Variants in ZNF608 observed in about 807,000 individuals in gnomAD.
The protein encoded by ZNF608 is renal carcinoma antigen NY-REN-36.
A neutral mutation model predicts 109.0 loss-of-function variants in ZNF608; 12 were observed. The ratio of observed to expected loss-of-function variants is 0.11; its 90% CI spans 0.07 to 0.18. ZNF608 has a LOEUF of 0.18. ZNF608 is among the 10% of genes least tolerant of loss of function. The pLI, the probability that ZNF608 is intolerant of heterozygous loss-of-function variation, is 1.00. For missense variants in ZNF608, 1,707 were observed against 1,879.3 expected, an observed-to-expected ratio of 0.91 and a Z score of 1.70; for synonymous variants, 732 against 717.4, an observed-to-expected ratio of 1.02 and a Z score of -0.33.
intron 2 of ZNF608, among the ~76,000 whole-genome samples, chr5:124,738,457 T>C (rs1237471314): frequency 6.6e-6 from 1 of 152,218 alleles, no homozygotes; most frequent in East Asian, 1.9e-4. Flanking sequence ...CAAAACTATG[T>C]TGTGCTGCAG....
chr5:124,714,883 A>G (rs1187882520), intron 2 of ZNF608, among the ~76,000 whole-genome samples: 1 of 152,234 alleles, frequency 6.6e-6, no homozygotes, highest in Non-Finnish European at 1.5e-5. Context: ...GGATGAATTT[A>G]TAATTGAATA....
In ZNF608 at chr5:124,678,454, C is replaced by T. The variant is rs137958070; in HGVS notation, c.1162+22560G>A. 3.4e-3 allele frequency among the ~76,000 whole-genome samples: 522 copies of T among 152,288 alleles called. 3 individuals are homozygous for T. Among genetic ancestry groups the T allele is most frequent in the Middle Eastern group, 0.01 (3 of 294 alleles). ...TTTTTCTACATTCCCCTTCTAAGTG[C>T]CACTGATAGGTTCCTGTAAATGTAG... On this transcript the variant is annotated intron_variant, in intron 3 of 9. Transcript: ENST00000513986.
intron 2 of ZNF608, among the ~76,000 whole-genome samples, chr5:124,728,832 C>G (rs544320310): frequency 6.6e-6 from 1 of 152,136 alleles, no homozygotes; most frequent in African/African-American, 2.4e-5. Flanking sequence ...TTAAACAATG[C>G]GGACTTTATC....
chr5:124,722,486 A>C (rs73298938), intron 2 of ZNF608, among the ~76,000 whole-genome samples: 5,058 of 152,062 alleles, frequency 0.033, 228 homozygotes, highest in African/African-American at 0.1. Flanking sequence ...CATTTGACCA[A>C]GTACACTAAT....
intron 3 of ZNF608, among the ~76,000 whole-genome samples, chr5:124,692,834 G>A (rs537640749): frequency 6.6e-6 from 1 of 152,092 alleles, no homozygotes; most frequent in Non-Finnish European, 1.5e-5. Flanking sequence ...TTTTTCTGAG[G>A]ATTAAAGGAA....
At chr5:124,668,455 T>A (rs116825562) in intron 3 of ZNF608, among the ~76,000 whole-genome samples, 2,858 of 151,598 alleles carry the variant, frequency 0.019, 90 homozygotes, top group African/African-American at 0.066. Context: ...ACTTATTCCA[T>A]ATTTGTCCTC....
In ZNF608 at chr5:124,646,985, G is replaced by A. The variant is rs1223118967; in HGVS notation, c.3399C>T (p.Leu1133=). Residue 1133 remains leucine, a synonymous_variant, in exon 5 of 10, where the codon CTC becomes CTT. Transcript: ENST00000513986. Reference sequence around the variant, plus strand: ...CCTCCTTGCCCAGCTCTTTCAAGGGGAGCTCACTTTTCCTTTCACAGTCTC... The same window carrying A: ...CCTCCTTGCCCAGCTCTTTCAAGGGAAGCTCACTTTTCCTTTCACAGTCTC... ...GRGDCERKSE[L]PLKELGKEET... is the part of the protein sequence containing the mutation. 6.2e-7 allele frequency: 1 copy of A among 1,614,072 alleles called. No homozygotes were observed. Among genetic ancestry groups the A allele is most frequent in the Non-Finnish European group, 8.5e-7 (1 of 1,180,014 alleles).
At chr5:124,644,096 A>G (rs193152607) in intron 6 of ZNF608, 148 bp downstream of exon 6, 94 of 728,206 alleles carry the variant, frequency 1.3e-4, no homozygotes, top group Admixed American at 1.9e-4. Flanking sequence ...CTTATATTAA[A>G]TCAGTTTTAT....
intron 3 of ZNF608, among the ~76,000 whole-genome samples, chr5:124,671,912 A>G (rs1226427507): frequency 6.6e-6 from 1 of 152,232 alleles, no homozygotes; most frequent in African/African-American, 2.4e-5. Flanking sequence ...TGCTGGGATT[A>G]CAGGCATGAG....
intron 2 of ZNF608, among the ~76,000 whole-genome samples, chr5:124,702,316 C>T (rs6884021): frequency 0.011 from 1,737 of 152,254 alleles, 45 homozygotes; most frequent in African/African-American, 0.039. Context: ...CACATAGAAA[C>T]GGCCTACATT....
intron 3 of ZNF608, among the ~76,000 whole-genome samples, chr5:124,699,579 G>A (rs532147974): frequency 6.6e-6 from 1 of 152,110 alleles, no homozygotes; most frequent in Non-Finnish European, 1.5e-5. Flanking sequence ...TCTTTCTTGT[G>A]TATTGTCTTT....
At chr5:124,641,152 T>C in intron 8 of ZNF608, 100 bp downstream of exon 8, 1 of 1,486,102 alleles carries the variant, frequency 6.7e-7, no homozygotes, top group Non-Finnish European at 9.4e-7. Context: ...AGAGCTAATG[T>C]GAACTCAAAG....
intron 2 of ZNF608, among the ~76,000 whole-genome samples, chr5:124,704,091 C>G (rs1433812958): frequency 6.6e-6 from 1 of 152,120 alleles, no homozygotes; most frequent in African/African-American, 2.4e-5. Context: ...ATAGCAAGAA[C>G]TTTTGAGTCC....
chr5:124,642,359 C>G (rs146517541), intron 7 of ZNF608, among the ~76,000 whole-genome samples: 97 of 152,310 alleles, frequency 6.4e-4, no homozygotes, highest in Non-Finnish European at 1.2e-3. Context: ...AGACACAGCT[C>G]TCACTCCTAA....
At chr5:124,734,015 G>A (rs1277410108) in intron 2 of ZNF608, among the ~76,000 whole-genome samples, 1 of 151,940 alleles carries the variant, frequency 6.6e-6, no homozygotes, top group Non-Finnish European at 1.5e-5. Context: ...ATATGATAAA[G>A]ATGTTTAAAA....
intron 3 of ZNF608, among the ~76,000 whole-genome samples, chr5:124,686,920 T>C (rs1038996415): frequency 1.3e-5 from 2 of 152,196 alleles, no homozygotes; most frequent in Admixed American, 1.3e-4. Context: ...GTGGGCAATT[T>C]TTTTTCCTTG....
At chr5:124,640,387 G>T (rs1270145481) in intron 8 of ZNF608, among the ~76,000 whole-genome samples, 2 of 152,106 alleles carry the variant, frequency 1.3e-5, no homozygotes, top group Non-Finnish European at 2.9e-5. Flanking sequence ...GAAAGCACAC[G>T]AGGGCTCCCC....
Position 124,648,837 on chromosome 5 carries a change from T to C in ZNF608, c.1547A>G (p.Asp516Gly). 1 of 1,614,120 alleles carries C rather than the reference T, an allele frequency of 6.2e-7. No homozygotes were observed. Among genetic ancestry groups the C allele is most frequent in the Non-Finnish European group, 8.5e-7 (1 of 1,179,984 alleles). Residue 516 changes from aspartate (D) to glycine (G), a missense_variant, in exon 5 of 10, where the codon GAC becomes GGC. Coordinates refer to ENST00000513986, the MANE Select transcript of ZNF608 (RefSeq NM_020747.3). ...GCGGACACGCTTTCCAGGCTTATTGTCCTCAGAGCTGGAGTTCAGGTCCAG... is the reference window on the plus strand; with the variant it reads ...GCGGACACGCTTTCCAGGCTTATTGCCCTCAGAGCTGGAGTTCAGGTCCAG... ...MELDLNSSSE[D>G]NKPGKRVRTN...
In ZNF608 at chr5:124,744,716, C is replaced by G. The variant is rs769031880; in HGVS notation, c.274G>C (p.Ala92Pro). The G allele has an allele frequency of 1.9e-6, 3 of 1,614,216 alleles. No individual in the cohort carries two copies. Among genetic ancestry groups the G allele is most frequent in the Non-Finnish European group, 2.5e-6 (3 of 1,180,040 alleles). The change falls in exon 2 of 10, where the codon GCT (alanine) becomes CCT (proline). Residue 92 changes from alanine to proline, a missense_variant. Physicochemically the swap from Ala to Pro is conservative, Grantham distance 27 (BLOSUM62 -1). Coordinates refer to ENST00000513986, the MANE Select transcript of ZNF608 (RefSeq NM_020747.3). The surrounding 1 kb of genome is among the most constrained non-coding windows in gnomAD (Gnocchi z 4.5). ...TCTTTGTGTGAATTCCCCTGGGGAG[C>G]AGAGGCCTGAACAGAAGCAAATTTT... The part of the protein sequence containing the change: ...GLKFASVQAS[A>P]PQGNSHKETS...
Sources: gnomAD v4.1 joint callset for allele counts (sites outside exome capture counted in the v4.1 genomes callset) on GRCh38, gnomAD v4.1.1 for gene constraint, Gnocchi (gnomAD v3.1) non-coding constraint, MANE v1.5 for transcripts, NCBI Gene and HGNC (gene_info 2026-07-23, HGNC 2026-07-21) for gene names.